The following PPP1R3B variants were observed in gnomAD, a reference collection of about 807,000 sequenced individuals.
The protein encoded by PPP1R3B is protein phosphatase 1 regulatory subunit 3B.
A neutral mutation model predicts 14.6 loss-of-function variants in PPP1R3B; 8 were observed. That is an observed-to-expected ratio of 0.55 (90% confidence interval 0.32 to 0.99). PPP1R3B has a LOEUF of 0.99. PPP1R3B is among the 50% of genes least tolerant of loss of function. The pLI, the probability that PPP1R3B is intolerant of heterozygous loss-of-function variation, is 0.04. For synonymous variants in PPP1R3B, 169 were observed against 142.0 expected, an observed-to-expected ratio of 1.19 and a Z score of -1.35; for missense variants, 452 against 360.1, an observed-to-expected ratio of 1.26 and a Z score of -2.07.
At chr8:9,148,835 AG>A (rs1801321350) in intron 1 of PPP1R3B, among the ~76,000 whole-genome samples, 1 of 152,150 alleles carries the variant, frequency 6.6e-6, no homozygotes, top group Non-Finnish European at 1.5e-5. Context: ...TTTTTGTATC[AG>A]GGCCACGACA....
intron 1 of PPP1R3B, among the ~76,000 whole-genome samples, chr8:9,146,993 T>A (rs1585344007): frequency 6.6e-6 from 1 of 152,122 alleles, no homozygotes; most frequent in African/African-American, 2.4e-5. Context: ...TTTAATTTTT[T>A]TTTTTTCGAG....
At position 9,137,902 on chromosome 8, in the gene PPP1R3B, A is replaced by G. The variant is rs1033400621; in HGVS notation, c.*2892T>C. On this transcript the variant is annotated 3_prime_UTR_variant, in exon 2 of 2. Transcript: ENST00000310455. ...AGGGTGAGCTGGGAGAAAGACGGGT[A>G]GTGGGGAGGGTTTACGGCTGCTTTA... The G allele has an allele frequency of 5.9e-5, 9 of 152,204 alleles. No homozygotes were observed. Among genetic ancestry groups the G allele is most frequent in the Non-Finnish European group, 1.2e-4 (8 of 68,064 alleles). The allele number at this position is 152,204 out of a possible 1,614,324, so 9.4% of individuals were successfully genotyped here. A position where few individuals can be genotyped will look rare whatever the true frequency, so the allele number is the denominator to read the frequency against.
chr8:9,148,130 C>A (rs796325219), intron 1 of PPP1R3B, among the ~76,000 whole-genome samples: 1 of 152,160 alleles, frequency 6.6e-6, no homozygotes, highest in African/African-American at 2.4e-5. Context: ...CTCAGGAACT[C>A]CCCAGCGGAC....
In PPP1R3B at chr8:9,138,884, A is replaced by T. The variant is rs1024963576; in HGVS notation, c.*1910T>A. Reference sequence around the variant, plus strand: ...GTAAACACCAATCTTGCCCAAGAAAAATCACAGGTTTGGGGCCTATCTGAT... The same window carrying T: ...GTAAACACCAATCTTGCCCAAGAAATATCACAGGTTTGGGGCCTATCTGAT... On this transcript the variant is annotated 3_prime_UTR_variant, in exon 2 of 2. Transcript: ENST00000310455. The T allele has an allele frequency of 6.7e-6, 1 of 148,420 alleles. No individual in the cohort carries two copies. The highest frequency in any genetic ancestry group is 2.3e-4 in the South Asian group (1 of 4,278). The allele number at this position is 148,420 out of a possible 1,614,324, so 9.2% of individuals were successfully genotyped here.
rs1358366495 is a variant in PPP1R3B, at chr8:9,149,198, A to C, written c.-18+1365T>G. On this transcript the variant is annotated intron_variant, in intron 1 of 1. Coordinates refer to ENST00000310455, the MANE Select transcript of PPP1R3B (RefSeq NM_024607.4). Reference sequence around the variant, plus strand: ...ACAGAGCGAAACTACGTCTCAAAAAAAAAAAAAAAAGGCAAAAAAAGGCCG... The same window carrying C: ...ACAGAGCGAAACTACGTCTCAAAAACAAAAAAAAAAGGCAAAAAAAGGCCG... 2.5e-4 allele frequency among the ~76,000 whole-genome samples: 33 copies of C among 134,296 alleles called. No homozygotes were observed. In the South Asian group the frequency reaches 7.0e-3, roughly 28 times the overall value. The allele number at this position is 134,296 out of a possible 152,430, so 88.1% of individuals were successfully genotyped here. A position where few individuals can be genotyped will look rare whatever the true frequency, so the allele number is the denominator to read the frequency against.
chr8:9,138,077 A>C lies in PPP1R3B; in HGVS notation c.*2717T>G, dbSNP rs1356870142. On this transcript the variant is annotated 3_prime_UTR_variant, in exon 2 of 2. Transcript: ENST00000310455. ...ACAGAGTGATCCTTAGTCGGGTAAC[A>C]TGTCAATGACAGTGCACTCTGTGCC... 1.3e-5 allele frequency: 2 copies of C among 152,200 alleles called. No homozygotes were observed. Among genetic ancestry groups the C allele is most frequent in the East Asian group, 1.9e-4 (1 of 5,194 alleles). 9.4% of individuals were successfully genotyped at this position (152,200 alleles called of 1,614,324 possible). A position where few individuals can be genotyped will look rare whatever the true frequency, so the allele number is the denominator to read the frequency against.
chr8:9,150,185 A>C (rs1232966118), intron 1 of PPP1R3B, among the ~76,000 whole-genome samples: 1 of 151,786 alleles, frequency 6.6e-6, no homozygotes, highest in Admixed American at 6.6e-5. Flanking sequence ...CAAAGCTCTA[A>C]TTGTCTCTTC....
At chr8:9,149,551 C>T (rs1801353702) in intron 1 of PPP1R3B, among the ~76,000 whole-genome samples, 1 of 152,180 alleles carries the variant, frequency 6.6e-6, no homozygotes, top group Non-Finnish European at 1.5e-5. Context: ...GATGCACAAG[C>T]AACCCACCAG....
At chr8:9,143,324 C>T (rs970952470) in intron 1 of PPP1R3B, among the ~76,000 whole-genome samples, 28 of 151,800 alleles carry the variant, frequency 1.8e-4, no homozygotes, top group African/African-American at 6.8e-4. Context: ...AAGCAAGATA[C>T]TGGGATTCAA....
At position 9,136,646 on chromosome 8, in the gene PPP1R3B, CAT is replaced by C. The variant is rs1383709837; in HGVS notation, c.*4146_*4147del. 5.9e-5 allele frequency: 9 copies of C among 152,246 alleles called. No individual in the cohort carries two copies. The highest frequency in any genetic ancestry group is 1.4e-4 in the African/African-American group (6 of 41,470). 9.4% of individuals were successfully genotyped at this position (152,246 alleles called of 1,614,324 possible). ...ACAACAGCTGTCCTTCCCAGTTCCACATGTGTTGTCTCACTGCAGGAAATTAA... is the reference window on the plus strand; with the variant it reads ...ACAACAGCTGTCCTTCCCAGTTCCACGTGTTGTCTCACTGCAGGAAATTAA... On this transcript the variant is annotated 3_prime_UTR_variant, in exon 2 of 2. Coordinates refer to ENST00000310455, the MANE Select transcript of PPP1R3B (RefSeq NM_024607.4).
At chr8:9,142,275 T>G (rs1801114036) in intron 1 of PPP1R3B, 1 of 152,578 alleles carries the variant, frequency 6.6e-6, no homozygotes, top group African/African-American at 2.4e-5. Flanking sequence ...TTTAAAAAAT[T>G]TTTGTAGAGA....
At chr8:9,145,344 A>G (rs571991952) in intron 1 of PPP1R3B, 4 of 152,494 alleles carry the variant, frequency 2.6e-5, no homozygotes, top group Admixed American at 2.0e-4. Context: ...AGCCTACTCA[A>G]CGTGAAGAGG....
Position 9,150,602 on chromosome 8 carries a change from C to T in PPP1R3B, c.-57G>A, listed in dbSNP as rs886258022. On this transcript the variant is annotated 5_prime_UTR_variant, in exon 1 of 2. Transcript: ENST00000310455. ...AGAAGCCCCCTCCCCAGCTCGCTCGCCGCATCGGAGAGCCCGCAGGGTTGT... is the reference window on the plus strand; with the variant it reads ...AGAAGCCCCCTCCCCAGCTCGCTCGTCGCATCGGAGAGCCCGCAGGGTTGT... The T allele has an allele frequency of 6.5e-6, 1 of 152,744 alleles. No individual in the cohort carries two copies. Among genetic ancestry groups the T allele is most frequent in the Non-Finnish European group, 1.5e-5 (1 of 68,336 alleles). 9.5% of individuals were successfully genotyped at this position (152,744 alleles called of 1,614,324 possible).
Position 9,140,736 on chromosome 8 carries a change from A to G in PPP1R3B, c.*58T>C. On this transcript the variant is annotated 3_prime_UTR_variant, in exon 2 of 2. Coordinates refer to ENST00000310455, the MANE Select transcript of PPP1R3B (RefSeq NM_024607.4). ...CCCTGGCCTTCCATCTCCACTGCAC[A>G]GTGAGCAGAGCTAGGCTTGTCTGTG... 1 of 1,579,240 alleles carries G rather than the reference A, an allele frequency of 6.3e-7. No homozygotes were observed. The highest frequency in any genetic ancestry group is 8.6e-7 in the Non-Finnish European group (1 of 1,159,234).
rs555790881 is a variant in PPP1R3B, at chr8:9,144,089, A to G, written c.-17-2421T>C. Among the ~76,000 whole-genome samples the G allele has an allele frequency of 4.6e-5, 7 of 152,270 alleles. No homozygotes were observed. The East Asian group carries it at 1.3e-3, about 29-fold the overall frequency. ...TGGCCTATAAATATGCAAAATGTTC[A>G]ACCTTATTATTAATTTAAGAAATTT... On this transcript the variant is annotated intron_variant, in intron 1 of 1. Transcript: ENST00000310455.
intron 1 of PPP1R3B, among the ~76,000 whole-genome samples, chr8:9,149,910 G>A (rs566229123): frequency 6.6e-6 from 1 of 152,346 alleles, no homozygotes; most frequent in East Asian, 1.9e-4. Context: ...AGAGTACTAG[G>A]CTAAGAATGC....
intron 1 of PPP1R3B, among the ~76,000 whole-genome samples, chr8:9,146,321 G>A (rs1200588731): frequency 6.6e-6 from 1 of 152,100 alleles, no homozygotes; most frequent in Non-Finnish European, 1.5e-5. Context: ...CCCTCCTTAT[G>A]GCACAGGTGT....
chr8:9,147,075 C>T (rs913667717), intron 1 of PPP1R3B, among the ~76,000 whole-genome samples: 4 of 151,912 alleles, frequency 2.6e-5, no homozygotes, highest in African/African-American at 9.7e-5. Context: ...CTCTGCCATC[C>T]GGGTTCAAGC....
chr8:9,143,432 G>A (rs1299774074), intron 1 of PPP1R3B, among the ~76,000 whole-genome samples: 1 of 152,220 alleles, frequency 6.6e-6, no homozygotes, highest in Admixed American at 6.5e-5. Context: ...GGCCTGGGCG[G>A]TGGCTCACGC....
Sources: gnomAD v4.1 joint callset for allele counts (sites outside exome capture counted in the v4.1 genomes callset) on GRCh38, gnomAD v4.1.1 for gene constraint, MANE v1.5 for transcripts, NCBI Gene and HGNC (gene_info 2026-07-23, HGNC 2026-07-21) for gene names.